The following FRMPD4 variants were observed in gnomAD, a reference collection of about 807,000 sequenced individuals.
The protein encoded by FRMPD4 is FERM and PDZ domain-containing protein 4.
Under a neutral mutation model 94.1 loss-of-function variants are expected in FRMPD4, and 22 were observed. The ratio of observed to expected loss-of-function variants is 0.23; its 90% CI spans 0.17 to 0.33. FRMPD4 has a LOEUF of 0.33. Ranked by LOEUF, FRMPD4 falls within the 10% of genes least tolerant of loss-of-function variation. The pLI, the probability that FRMPD4 is intolerant of heterozygous loss-of-function variation, is 1.00. For missense variants in FRMPD4, 1,111 were observed against 1,339.9 expected, an observed-to-expected ratio of 0.83 and a Z score of 2.67; for synonymous variants, 631 against 548.6, an observed-to-expected ratio of 1.15 and a Z score of -2.10.
chrX:12,231,030 G>GTATATATATATATA (rs56948982), intron 1 of FRMPD4, among the ~76,000 whole-genome samples: 1 of 26,387 alleles, frequency 3.8e-5, no homozygotes, highest in African/African-American at 1.2e-4. Context: ...TATATATATA[G>GTATATATATATATA]TATATATATA....
At chrX:12,281,793 C>T (rs896549527) in intron 1 of FRMPD4, among the ~76,000 whole-genome samples, 1 of 111,901 alleles carries the variant, frequency 8.9e-6, no homozygotes, top group Non-Finnish European at 1.9e-5. Flanking sequence ...ATTTAATTAT[C>T]ATTCCTATTG....
chrX:12,455,276 A>G (rs921012588), intron 1 of FRMPD4, among the ~76,000 whole-genome samples: 4 of 111,809 alleles, frequency 3.6e-5, no homozygotes, highest in Non-Finnish European at 5.6e-5. Flanking sequence ...GGATCCTTTC[A>G]TCACCACCGT....
chrX:12,455,401 G>C (rs1218782073), intron 1 of FRMPD4, among the ~76,000 whole-genome samples: 2 of 111,827 alleles, frequency 1.8e-5, no homozygotes, highest in Non-Finnish European at 3.8e-5. Flanking sequence ...ATCTTGTGTA[G>C]AGTATAAAAT....
chrX:12,017,328 T>C lies in FRMPD4; in HGVS notation c.95+139310T>C, dbSNP rs758007456. 2.7e-5 allele frequency among the ~76,000 whole-genome samples: 3 copies of C among 112,518 alleles called. No individual in the cohort carries two copies. The Admixed American group carries it at 2.8e-4, about 11-fold the overall frequency. ...ACATGAACATATTCCAGCCACAAAATAGAAGCTAGACTTTCTGCCCATGGC... is the reference window on the plus strand; with the variant it reads ...ACATGAACATATTCCAGCCACAAAACAGAAGCTAGACTTTCTGCCCATGGC... On this transcript the variant is annotated intron_variant, in intron 3 of 18. Coordinates refer to the FRMPD4 transcript ENST00000640291.
At chrX:12,160,068 G>GTTGT (rs1555927313) in intron 1 of FRMPD4, among the ~76,000 whole-genome samples, 1 of 100,050 alleles carries the variant, frequency 1.0e-5, no homozygotes, top group Non-Finnish European at 2.0e-5. Flanking sequence ...GATGTTGAGG[G>GTTGT]GTGTGTGTGT....
At chrX:12,455,962 T>G (rs894441041) in intron 1 of FRMPD4, among the ~76,000 whole-genome samples, 1 of 111,264 alleles carries the variant, frequency 9.0e-6, no homozygotes, top group Admixed American at 9.5e-5. Context: ...GCCTGGCTGA[T>G]TTTGCATTTT....
intron 4 of FRMPD4, among the ~76,000 whole-genome samples, chrX:12,646,734 G>C (rs903197453): frequency 4.5e-5 from 5 of 112,189 alleles, no homozygotes; most frequent in African/African-American, 1.6e-4. Flanking sequence ...CTTCTTCGGG[G>C]ATATCATCTC....
At chrX:12,083,567 C>T (rs544167417) in intron 3 of FRMPD4, among the ~76,000 whole-genome samples, 7 of 112,336 alleles carry the variant, frequency 6.2e-5, no homozygotes, top group South Asian at 7.4e-4. Context: ...AGGCCATCAT[C>T]CTCCAGACCC....
At chrX:12,299,416 T>G (rs189299166) in intron 1 of FRMPD4, among the ~76,000 whole-genome samples, 2 of 111,057 alleles carry the variant, frequency 1.8e-5, no homozygotes, top group East Asian at 5.6e-4. Flanking sequence ...AGTTAACCTA[T>G]AAAATTTGAT....
chrX:12,636,494 A>G (rs184218774), intron 4 of FRMPD4, among the ~76,000 whole-genome samples: 1 of 86,645 alleles, frequency 1.2e-5, no homozygotes, highest in Non-Finnish European at 2.4e-5. Flanking sequence ...TCTGTGATAT[A>G]AGCAGCTATT....
At chrX:12,326,477 AC>A (rs887697929) in intron 1 of FRMPD4, among the ~76,000 whole-genome samples, 3 of 110,454 alleles carry the variant, frequency 2.7e-5, no homozygotes, top group African/African-American at 9.9e-5. Context: ...AGAATCCCCC[AC>A]CCCCAGTTGT....
At chrX:12,594,990 G>A (rs935106447) in intron 2 of FRMPD4, among the ~76,000 whole-genome samples, 12 of 111,922 alleles carry the variant, frequency 1.1e-4, no homozygotes, top group African/African-American at 3.6e-4. Flanking sequence ...TAGGTTCGTT[G>A]TGAAAATGAA....
At position 12,000,361 on chromosome X, in the gene FRMPD4, T is replaced by C. The variant is rs148579484; in HGVS notation, c.95+122343T>C. ...GCATATCTGTATTTCAACTCTTATT[T>C]TAAAATATCCCTACAACAGTGATTG... On this transcript the variant is annotated intron_variant, in intron 3 of 18. Transcript: ENST00000640291. Among the ~76,000 whole-genome samples, 313 of 112,199 alleles carry C rather than the reference T, an allele frequency of 2.8e-3. 3 individuals are homozygous for C. In the East Asian group the frequency reaches 0.039, roughly 14 times the overall value.
intron 2 of FRMPD4, among the ~76,000 whole-genome samples, chrX:12,508,991 CAAAAAAAA>C (rs770698547): frequency 3.3e-3 from 100 of 30,536 alleles, no homozygotes; most frequent in African/African-American, 0.014. Flanking sequence ...GACTCTGTCT[CAAAAAAAA>C]AAAAAAAAAA....
intron 1 of FRMPD4, among the ~76,000 whole-genome samples, chrX:12,178,576 T>C (rs912918442): frequency 8.9e-6 from 1 of 112,353 alleles, no homozygotes; most frequent in African/African-American, 3.2e-5. Flanking sequence ...CTTAAGTCTC[T>C]AGATGAATGA....
At chrX:12,414,734 A>T (rs975331781) in intron 1 of FRMPD4, among the ~76,000 whole-genome samples, 1 of 111,794 alleles carries the variant, frequency 8.9e-6, no homozygotes, top group African/African-American at 3.3e-5. Context: ...AGAGGACCTG[A>T]CATTTATTGA....
chrX:12,264,110 AC>A (rs1317675362), intron 1 of FRMPD4, among the ~76,000 whole-genome samples: 1 of 111,062 alleles, frequency 9.0e-6, no homozygotes, highest in South Asian at 3.8e-4. Flanking sequence ...GTCAGTGGTG[AC>A]TCTTGAGCCT....
intron 3 of FRMPD4, among the ~76,000 whole-genome samples, chrX:11,949,701 G>A (rs1358434930): frequency 9.0e-6 from 1 of 111,211 alleles, no homozygotes; most frequent in Admixed American, 9.6e-5. Context: ...CAAGCTGGTT[G>A]CTTCAATAGG....
chrX:12,418,312 G>A (rs762641024), intron 1 of FRMPD4, among the ~76,000 whole-genome samples: 4 of 106,701 alleles, frequency 3.7e-5, no homozygotes, highest in African/African-American at 6.8e-5. Context: ...AGGCCCAGCC[G>A]ATGACTCAGG....
Sources: gnomAD v4.1 joint callset for allele counts (sites outside exome capture counted in the v4.1 genomes callset) on GRCh38, gnomAD v4.1.1 for gene constraint, MANE v1.5 for transcripts, NCBI Gene and HGNC (gene_info 2026-07-23, HGNC 2026-07-21) for gene names.